The following MAP3K6 variants were observed in gnomAD, a reference collection of about 807,000 sequenced individuals.
MAP3K6 encodes mitogen-activated protein kinase kinase kinase 6.
Under a neutral mutation model 147.1 loss-of-function variants are expected in MAP3K6, and 105 were observed. The observed-to-expected ratio is 0.71, with a 90% CI of 0.61 to 0.84. The LOEUF (loss-of-function observed/expected upper bound fraction) is 0.84. Among genes scored for constraint, MAP3K6 ranks in the 40% least tolerant of loss-of-function variants. The probability of loss-of-function intolerance (pLI) is 0.00; values close to 1 mark genes in which losing one functional copy is unlikely to be tolerated. For synonymous variants in MAP3K6, 695 were observed against 732.4 expected, an observed-to-expected ratio of 0.95 and a Z score of 0.82; for missense variants, 1,569 against 1,715.0, an observed-to-expected ratio of 0.91 and a Z score of 1.50.
At chr1:27,363,362 C>G in intron 6 of MAP3K6, 80 bp downstream of exon 6, 1 of 1,186,462 alleles carries the variant, frequency 8.4e-7, no homozygotes, top group Non-Finnish European at 1.2e-6. Flanking sequence ...TGATCCCAGA[C>G]AGCAATGGCT....
chr1:27,357,509 G>A lies in MAP3K6; in HGVS notation c.3149C>T (p.Pro1050Leu). The A allele has an allele frequency of 6.2e-7, 1 of 1,613,596 alleles. No individual in the cohort carries two copies. Among genetic ancestry groups the A allele is most frequent in the Non-Finnish European group, 8.5e-7 (1 of 1,179,908 alleles). ...LRCLGAHIHT[P>L]NRRQLAQELR... is the part of the protein sequence containing the mutation. Reference sequence around the variant, plus strand: ...CTCCTGGGCGAGCTGCCGGCGGTTGGGAGTGTGGATGTGTGCCCCGAGGCA... The same window carrying A: ...CTCCTGGGCGAGCTGCCGGCGGTTGAGAGTGTGGATGTGTGCCCCGAGGCA... The change falls in exon 23 of 29, where the codon CCC becomes CTC. Residue 1050 changes from proline to leucine, a missense_variant. Transcript: ENST00000357582.
Position 27,363,025 on chromosome 1 carries a change from G to GA in MAP3K6, c.972-5_972-4insT, listed in dbSNP as rs764291719. The GA allele has an allele frequency of 6.2e-7, 1 of 1,611,806 alleles. No homozygotes were observed. The highest frequency in any genetic ancestry group is 1.3e-5 in the African/African-American group (1 of 74,880). Reference sequence around the variant, plus strand: ...CCGGTCCCCAGGCCTGTTCCTCCTAGGGAAAAGATGGGCTCAGGCCCTCCC... The same window carrying GA: ...CCGGTCCCCAGGCCTGTTCCTCCTAGAGGAAAAGATGGGCTCAGGCCCTCCC... On this transcript the variant is annotated splice_region_variant and splice_polypyrimidine_tract_variant and intron_variant, in intron 6 of 28. Coordinates refer to ENST00000357582, the MANE Select transcript of MAP3K6 (RefSeq NM_004672.5).
rs1299482062 is a variant in MAP3K6 at position 27,362,092 on chromosome 1, A to G, written c.1414T>C (p.Trp472Arg). 3.7e-6 allele frequency: 6 copies of G among 1,609,606 alleles called. No homozygotes were observed. Among genetic ancestry groups the G allele is most frequent in the Non-Finnish European group, 5.1e-6 (6 of 1,177,498 alleles). ...AAGAATGCAGAGGGGGCCACCTACC[A>G]TATGGGGGCATTGAGCTTATACAGC... ...EQLYKLNAPIWYLVSVMETFL... is the reference protein window; with the variant it reads ...EQLYKLNAPIRYLVSVMETFL... The change falls in exon 9 of 29, where the codon TGG becomes CGG. Residue 472 changes from tryptophan (W) to arginine (R), a missense_variant and splice_region_variant. By Grantham distance (101) the Trp-to-Arg change is moderately radical (BLOSUM62 -3). Transcript: ENST00000357582.
chr1:27,355,918 G>T, intron 27 of MAP3K6, 108 bp downstream of exon 27: 1 of 1,181,194 alleles, frequency 8.5e-7, no homozygotes, highest in Non-Finnish European at 1.2e-6. Context: ...TGTTCTTCTG[G>T]TAGTGAGATT....
intron 6 of MAP3K6, among the ~76,000 whole-genome samples, 179 bp from the exon 7 acceptor site, chr1:27,363,200 T>A (rs1340236553): frequency 6.6e-6 from 1 of 152,112 alleles, no homozygotes; most frequent in Non-Finnish European, 1.5e-5. Flanking sequence ...GATTCCTAGA[T>A]GCGATGACTC....
rs764590669 is a variant in MAP3K6 at position 27,358,507 on chromosome 1, G to A, written c.2688C>T (p.Ser896=). ...AGGGGTCCCCCAGCAGTGTCTGGGC[G>A]CTGGCTCGGAGGCGGGGGTCTGGCT... ...TFEPDPRLRA[S]AQTLLGDPFL... is the part of the protein sequence containing the mutation. The change falls in exon 20 of 29, where the codon AGC becomes AGT. Residue 896 remains serine, a synonymous_variant. Coordinates refer to ENST00000357582, the MANE Select transcript of MAP3K6 (RefSeq NM_004672.5). This position sits in a 1 kb window ranked among gnomAD's most constrained non-coding sequence, Gnocchi z 6.2. 6.0e-5 allele frequency: 96 copies of A among 1,605,056 alleles called. No homozygotes were observed. The highest frequency in any genetic ancestry group is 7.2e-5 in the Non-Finnish European group (85 of 1,177,476).
rs748673521 is a variant in MAP3K6 at position 27,362,998 on chromosome 1, G to A, written c.995C>T (p.Ala332Val). 7.4e-6 allele frequency: 12 copies of A among 1,613,842 alleles called. No homozygotes were observed. The highest frequency in any genetic ancestry group is 3.3e-5 in the Admixed American group (2 of 60,012). Residue 332 changes from alanine to valine, a missense_variant, in exon 7 of 29, where the codon GCG becomes GTG. Physicochemically the swap from Ala to Val is moderately conservative, Grantham distance 64. Transcript: ENST00000357582. Reference protein sequence around the residue: ...LNRRNRPGDRAKALSVLLPLV... With the variant: ...LNRRNRPGDRVKALSVLLPLV... ...CGGCAGCAGCACAGACAGGGCCTTC[G>A]CCCGGTCCCCAGGCCTGTTCCTCCT...
At chr1:27,361,313 G>GAA (rs2015761159) in intron 12 of MAP3K6, 33 bp downstream of exon 12, 2 of 1,613,818 alleles carry the variant, frequency 1.2e-6, no homozygotes, top group East Asian at 4.5e-5. Context: ...CTCACCTCCC[G>GAA]TCTTTCCAGT....
rs1557567839 is a variant in MAP3K6, at chr1:27,364,271, C to T, written c.628G>A (p.Glu210Lys). ...CCCACCAGGGGAGTGAGCAGGGCCT[C>T]GGTCCCCACTCCAGCCTGTACCAGC... ...DGLVQAGVGT[E>K]ALLTPLVGRL... Residue 210 changes from glutamate to lysine, a missense_variant, in exon 4 of 29, where the codon GAG (glutamate) becomes AAG (lysine). By Grantham distance (56) the Glu-to-Lys change is moderately conservative. Coordinates refer to ENST00000357582, the MANE Select transcript of MAP3K6 (RefSeq NM_004672.5). This position sits in a 1 kb window ranked among gnomAD's most constrained non-coding sequence, Gnocchi z 4.4. 1.1e-5 allele frequency: 17 copies of T among 1,613,668 alleles called. No individual in the cohort carries two copies. Among genetic ancestry groups the T allele is most frequent in the Admixed American group, 3.3e-5 (2 of 60,024 alleles).
At position 27,358,446 on chromosome 1, in the gene MAP3K6, A is replaced by AG. The variant is rs749590564; in HGVS notation, c.2748dup (p.Ser917LeufsTer221). 1 of 1,595,132 alleles carries AG rather than the reference A, an allele frequency of 6.3e-7. No homozygotes were observed. The highest frequency in any genetic ancestry group is 8.5e-7 in the Non-Finnish European group (1 of 1,174,386). The stretch of plus-strand genomic sequence containing the variant: ...GAGGGCCGTGGAGCATGTCGTGGGG[A>AG]GCTGGGGCTGCGGCTCCTTTTCCCA... On this transcript the variant is annotated frameshift_variant, in exon 20 of 29. Transcript: ENST00000357582. LOFTEE classifies it high-confidence loss of function. The surrounding 1 kb of genome is among the most constrained non-coding windows in gnomAD (Gnocchi z 6.2).
rs2015707234 is a variant in MAP3K6 at position 27,360,483 on chromosome 1, A to G, written c.2055-115T>C. The G allele has an allele frequency of 2.1e-6, 2 of 966,076 alleles. No homozygotes were observed. Among genetic ancestry groups the G allele is most frequent in the Non-Finnish European group, 2.6e-6 (2 of 761,202 alleles). The allele number at this position is 966,076 out of a possible 1,614,324, so 59.8% of individuals were successfully genotyped here. On this transcript the variant is annotated intron_variant, in intron 15 of 28. Coordinates refer to ENST00000357582, the MANE Select transcript of MAP3K6 (RefSeq NM_004672.5). The surrounding 1 kb of genome is among the most constrained non-coding windows in gnomAD (Gnocchi z 4.5). ...CCGCCCCGCCCACAAGCCCTCTCCG[A>G]CCTTCCCCACCCTTACTACCCTGCC... is the stretch of plus-strand genomic sequence containing the variant.
Position 27,360,202 on chromosome 1 carries a change from A to G in MAP3K6, c.2182+39T>C, listed in dbSNP as rs1441969069. ...CCTGCCTGCCTCGGTCCCATGCTTCACACCTCGGTTTCATTCCCATCCCAC... is the reference window on the plus strand; with the variant it reads ...CCTGCCTGCCTCGGTCCCATGCTTCGCACCTCGGTTTCATTCCCATCCCAC... On this transcript the variant is annotated intron_variant, in intron 16 of 28. Coordinates refer to ENST00000357582, the MANE Select transcript of MAP3K6 (RefSeq NM_004672.5). The surrounding 1 kb of genome is among the most constrained non-coding windows in gnomAD (Gnocchi z 4.5). The G allele has an allele frequency of 1.9e-6, 3 of 1,609,590 alleles. No homozygotes were observed. In the East Asian group the frequency reaches 6.7e-5, roughly 36 times the overall value.
At position 27,362,161 on chromosome 1, in the gene MAP3K6, TCTG is replaced by T; in HGVS notation, c.1342_1344del (p.Gln448del). Reference sequence around the variant, plus strand: ...ACCTGGGTGGGGTCATTGGCGAGGATCTGGGCTCCCAGGTAGAAACCCACATCC... The same window carrying T: ...ACCTGGGTGGGGTCATTGGCGAGGATGGCTCCCAGGTAGAAACCCACATCC... On this transcript the variant is annotated inframe_deletion, in exon 9 of 29. Coordinates refer to ENST00000357582, the MANE Select transcript of MAP3K6 (RefSeq NM_004672.5). The T allele has an allele frequency of 2.5e-6, 4 of 1,613,702 alleles. No individual in the cohort carries two copies. Among genetic ancestry groups the T allele is most frequent in the Non-Finnish European group, 3.4e-6 (4 of 1,179,984 alleles).
intron 24 of MAP3K6, 83 bp downstream of exon 24, chr1:27,356,926 C>A: frequency 6.8e-7 from 1 of 1,479,924 alleles, no homozygotes; most frequent in South Asian, 1.2e-5. Flanking sequence ...CCGCCTGGCC[C>A]CCACCGGCCC....
Position 27,359,293 on chromosome 1 carries a change from C to T in MAP3K6, c.2425+124G>A. 1 of 1,398,104 alleles carries T rather than the reference C, an allele frequency of 7.2e-7. No individual in the cohort carries two copies. Among genetic ancestry groups the T allele is most frequent in the Non-Finnish European group, 9.8e-7 (1 of 1,017,160 alleles). 86.6% of individuals were successfully genotyped at this position (1,398,104 alleles called of 1,614,324 possible). On this transcript the variant is annotated intron_variant, in intron 18 of 28. Transcript: ENST00000357582. The surrounding 1 kb of genome is among the most constrained non-coding windows in gnomAD (Gnocchi z 4.4). ...CTCAGCCCTGGCCCAATCACTCACCCTGGGTTTCATTCCCCATTAGGACTC... is the reference window on the plus strand; with the variant it reads ...CTCAGCCCTGGCCCAATCACTCACCTTGGGTTTCATTCCCCATTAGGACTC...
chr1:27,356,256 C>T, intron 26 of MAP3K6, 132 bp downstream of exon 26: 2 of 1,097,318 alleles, frequency 1.8e-6, no homozygotes, highest in South Asian at 2.9e-5. Flanking sequence ...CTGCCTCGAA[C>T]CCACCAATAA....
Position 27,358,352 on chromosome 1 carries a change from T to G in MAP3K6, c.2777-33A>C. 6.3e-7 allele frequency: 1 copy of G among 1,592,626 alleles called. No homozygotes were observed. The highest frequency in any genetic ancestry group is 2.2e-5 in the East Asian group (1 of 44,768). On this transcript the variant is annotated intron_variant, in intron 20 of 28. Transcript: ENST00000357582. The surrounding 1 kb of genome is among the most constrained non-coding windows in gnomAD (Gnocchi z 6.2). ...AGGGACAGAGCCATCAGCTGGGCTC[T>G]CCTCCACCCTCACAGCTCCACAACT... is the stretch of plus-strand genomic sequence containing the variant.
chr1:27,362,243 C>T lies in MAP3K6; in HGVS notation c.1263G>A (p.Lys421=), dbSNP rs1293837395. The T allele has an allele frequency of 6.8e-6, 11 of 1,610,148 alleles. No individual in the cohort carries two copies. The highest frequency in any genetic ancestry group is 8.5e-6 in the Non-Finnish European group (10 of 1,178,112). Residue 421 remains lysine, a synonymous_variant, in exon 9 of 29, where the codon AAG becomes AAA. Coordinates refer to ENST00000357582, the MANE Select transcript of MAP3K6 (RefSeq NM_004672.5). ...DSKELRLIGM[K]LGCLLARKGC... is the part of the protein sequence containing the mutation. ...CTTTGCGGGCCAGCAGGCAGCCCAGCTTCATGCCTGGGGGAGAGAGGCATG... is the reference window on the plus strand; with the variant it reads ...CTTTGCGGGCCAGCAGGCAGCCCAGTTTCATGCCTGGGGGAGAGAGGCATG...
chr1:27,364,964 A>G lies in MAP3K6; in HGVS notation c.341-52T>C, dbSNP rs2015924893. On this transcript the variant is annotated intron_variant, in intron 1 of 28. Transcript: ENST00000357582. The surrounding 1 kb of genome is among the most constrained non-coding windows in gnomAD (Gnocchi z 4.4). ...ATCCCTGAAGCCCAGCTTGATGGGG[A>G]AGGAGCCGGGGTCCATCCTGGCTTG... 5 of 1,533,178 alleles carry G rather than the reference A, an allele frequency of 3.3e-6. No homozygotes were observed. Among genetic ancestry groups the G allele is most frequent in the Non-Finnish European group, 4.4e-6 (5 of 1,136,524 alleles). The allele number at this position is 1,533,178 out of a possible 1,614,324, so 95.0% of individuals were successfully genotyped here.
Sources: gnomAD v4.1 joint callset for allele counts (sites outside exome capture counted in the v4.1 genomes callset) on GRCh38, gnomAD v4.1.1 for gene constraint, Gnocchi (gnomAD v3.1) non-coding constraint, MANE v1.5 for transcripts, NCBI Gene and HGNC (gene_info 2026-07-23, HGNC 2026-07-21) for gene names.